Variants in CNTFR observed in about 807,000 individuals in gnomAD.
CNTFR encodes the protein ciliary neurotrophic factor receptor.
CNTFR carries 12 observed loss-of-function variants against 40.4 expected under a neutral mutation model. That is an observed-to-expected ratio of 0.30 (90% CI 0.19 to 0.48). The LOEUF (loss-of-function observed/expected upper bound fraction) is 0.48, where lower values mean the gene tolerates loss of function less well. CNTFR is among the 20% of genes least tolerant of loss of function. CNTFR has a pLI of 0.99. For missense variants in CNTFR, 414 were observed against 506.8 expected (o/e 0.82, Z 1.76); for synonymous variants, 202 against 209.6 (o/e 0.96, Z 0.31).
At chr9:34,578,142 C>T (rs1827085632) in intron 2 of CNTFR, among the ~76,000 whole-genome samples, 1 of 151,428 alleles carries the variant, frequency 6.6e-6, no homozygotes, top group Non-Finnish European at 1.5e-5. Context: ...AGAAGCAACC[C>T]CCACAGCGGT....
At position 34,557,814 on chromosome 9, in the gene CNTFR, G is replaced by A; in HGVS notation, c.437+53C>T. On this transcript the variant is annotated intron_variant, in intron 5 of 9. Coordinates refer to ENST00000378980, the MANE Select transcript of CNTFR (RefSeq NM_147164.3). The surrounding 1 kb of genome is among the most constrained non-coding windows in gnomAD (Gnocchi z 4.2). Reference sequence around the variant, plus strand: ...GGACAGAGGGCATGGTGGTGGGATGGGGGAGAGGTCAGAGGTCAGGGCTGG... The same window carrying A: ...GGACAGAGGGCATGGTGGTGGGATGAGGGAGAGGTCAGAGGTCAGGGCTGG... The A allele has an allele frequency of 6.5e-7, 1 of 1,542,632 alleles. No homozygotes were observed. Among genetic ancestry groups the A allele is most frequent in the Non-Finnish European group, 8.9e-7 (1 of 1,128,158 alleles).
chr9:34,585,932 C>T (rs776539371), intron 1 of CNTFR, among the ~76,000 whole-genome samples: 1 of 152,194 alleles, frequency 6.6e-6, no homozygotes, highest in Admixed American at 6.5e-5. Flanking sequence ...TTCAACTCGC[C>T]ATGGGGGGGC....
chr9:34,551,859 C>T lies in CNTFR; in HGVS notation c.*212G>A. 1.5e-6 allele frequency: 1 copy of T among 666,834 alleles called. No individual in the cohort carries two copies. The highest frequency in any genetic ancestry group is 1.7e-5 in the South Asian group (1 of 59,406). The allele number at this position is 666,834 out of a possible 1,614,324, so 41.3% of individuals were successfully genotyped here. On this transcript the variant is annotated 3_prime_UTR_variant, in exon 10 of 10. Coordinates refer to ENST00000378980, the MANE Select transcript of CNTFR (RefSeq NM_147164.3). ...TGGTGGGTGGGTTAGCTGCATGGCC[C>T]ACCTCCCCTGAGGGAGGAAGGAGGG...
At position 34,553,301 on chromosome 9, in the gene CNTFR, A is replaced by T. The variant is rs1394789229; in HGVS notation, c.769-447T>A. Among the ~76,000 whole-genome samples, 4 of 152,086 alleles carry T rather than the reference A, an allele frequency of 2.6e-5. No individual in the cohort carries two copies. In the East Asian group the frequency reaches 7.7e-4, roughly 29 times the overall value. On this transcript the variant is annotated intron_variant, in intron 7 of 9. Coordinates refer to ENST00000378980, the MANE Select transcript of CNTFR (RefSeq NM_147164.3). Reference sequence around the variant, plus strand: ...AGCCACAGAGAGGGGAGGTTGACACACTGACTGGAGCTAGGCTACCTGAGT... The same window carrying T: ...AGCCACAGAGAGGGGAGGTTGACACTCTGACTGGAGCTAGGCTACCTGAGT...
Position 34,564,765 on chromosome 9 carries a change from C to G in CNTFR, c.153G>C (p.Trp51Cys). 3 of 1,614,040 alleles carry G rather than the reference C, an allele frequency of 1.9e-6. No individual in the cohort carries two copies. Among genetic ancestry groups the G allele is most frequent in the Non-Finnish European group, 2.5e-6 (3 of 1,180,010 alleles). The change falls in exon 4 of 10, where the codon TGG (tryptophan) becomes TGC (cysteine). Residue 51 changes from tryptophan to cysteine, a missense_variant. Transcript: ENST00000378980. ...DVTLPCGTAN[W>C]DAAVTWRVNG... The stretch of plus-strand genomic sequence containing the variant: ...TTACCCGCCACGTCACCGCAGCATC[C>G]CAGTTTGCTGTCCCACATGGCAGTG...
In CNTFR at chr9:34,564,707, C is replaced by G; in HGVS notation, c.211G>C (p.Gly71Arg). Reference sequence around the variant, plus strand: ...AGGCCATGGAGCACCAGCTGAGAGCCGTTGAGCAGGTCAGGGGCCAGGTCT... The same window carrying G: ...AGGCCATGGAGCACCAGCTGAGAGCGGTTGAGCAGGTCAGGGGCCAGGTCT... ...GTDLAPDLLNGSQLVLHGLEL... is the reference protein window; with the variant it reads ...GTDLAPDLLNRSQLVLHGLEL... Residue 71 changes from glycine (G) to arginine (R), a missense_variant, in exon 4 of 10, where the codon GGC becomes CGC. This residue lies in a region of CNTFR where 250 missense variants were observed against 269.5 expected (regional missense o/e 0.93). Transcript: ENST00000378980. The G allele has an allele frequency of 1.2e-6, 2 of 1,614,036 alleles. No individual in the cohort carries two copies. Among genetic ancestry groups the G allele is most frequent in the Non-Finnish European group, 1.7e-6 (2 of 1,179,986 alleles).
At chr9:34,575,822 T>C (rs1826932477) in intron 2 of CNTFR, among the ~76,000 whole-genome samples, 1 of 152,182 alleles carries the variant, frequency 6.6e-6, no homozygotes, top group South Asian at 2.1e-4. Flanking sequence ...AAATGTCTTC[T>C]GTGTTCTGTT....
At chr9:34,556,643 C>A (rs989226723) in intron 6 of CNTFR, among the ~76,000 whole-genome samples, 2 of 152,198 alleles carry the variant, frequency 1.3e-5, no homozygotes, top group Non-Finnish European at 2.9e-5. Flanking sequence ...ACTACAGTCA[C>A]TGTCACCAAC....
At chr9:34,572,807 T>C (rs1826742307) in intron 2 of CNTFR, among the ~76,000 whole-genome samples, 1 of 152,176 alleles carries the variant, frequency 6.6e-6, no homozygotes, top group African/African-American at 2.4e-5. Context: ...GACAGTCACA[T>C]ACATTGACAC....
chr9:34,572,997 A>T (rs1210492074), intron 2 of CNTFR, among the ~76,000 whole-genome samples: 1 of 152,264 alleles, frequency 6.6e-6, no homozygotes, highest in Non-Finnish European at 1.5e-5. Flanking sequence ...AGTCCACAGC[A>T]ATACTGGCAG....
chr9:34,557,999 A>T lies in CNTFR; in HGVS notation c.320-15T>A. The T allele has an allele frequency of 6.6e-7, 1 of 1,517,590 alleles. No individual in the cohort carries two copies. Among genetic ancestry groups the T allele is most frequent in the Non-Finnish European group, 8.9e-7 (1 of 1,129,196 alleles). 94.0% of individuals were successfully genotyped at this position (1,517,590 alleles called of 1,614,324 possible). On this transcript the variant is annotated splice_polypyrimidine_tract_variant and intron_variant, in intron 4 of 9. Coordinates refer to ENST00000378980, the MANE Select transcript of CNTFR (RefSeq NM_147164.3). This position sits in a 1 kb window ranked among gnomAD's most constrained non-coding sequence, Gnocchi z 4.2. ...CCGCGGCGGCACTGGGGGTGAGGAC[A>T]GTATGGTCAGGGCATTCTTGGAGCT...
At chr9:34,553,673 C>T (rs1825723401) in intron 7 of CNTFR, among the ~76,000 whole-genome samples, 1 of 152,176 alleles carries the variant, frequency 6.6e-6, no homozygotes, top group South Asian at 2.1e-4. Flanking sequence ...TCCATTTCCT[C>T]CTGGAGGCAT....
chr9:34,575,406 G>A (rs781232702), intron 2 of CNTFR, among the ~76,000 whole-genome samples: 5 of 152,162 alleles, frequency 3.3e-5, no homozygotes, highest in Non-Finnish European at 5.9e-5. Context: ...CAGAGCAATA[G>A]GGTTGACTGA....
At position 34,557,441 on chromosome 9, in the gene CNTFR, G is replaced by T; in HGVS notation, c.604+85C>A. The T allele has an allele frequency of 1.4e-6, 2 of 1,448,768 alleles. No homozygotes were observed. Among genetic ancestry groups the T allele is most frequent in the Non-Finnish European group, 1.9e-6 (2 of 1,051,100 alleles). The allele number at this position is 1,448,768 out of a possible 1,614,324, so 89.7% of individuals were successfully genotyped here. On this transcript the variant is annotated intron_variant, in intron 6 of 9. Coordinates refer to ENST00000378980, the MANE Select transcript of CNTFR (RefSeq NM_147164.3). This position sits in a 1 kb window ranked among gnomAD's most constrained non-coding sequence, Gnocchi z 4.2. ...GTACATGCCATGTATACATGTGCATGCATGTGGACATCCCCACCAATGGCA... is the reference window on the plus strand; with the variant it reads ...GTACATGCCATGTATACATGTGCATTCATGTGGACATCCCCACCAATGGCA...
chr9:34,580,557 G>A (rs1827236106), intron 2 of CNTFR, among the ~76,000 whole-genome samples: 1 of 152,320 alleles, frequency 6.6e-6, no homozygotes, highest in Non-Finnish European at 1.5e-5. Context: ...GCGGGTTTTG[G>A]ACAATAGGCC....
rs1825907795 is a variant in CNTFR at position 34,557,744 on chromosome 9, G to C, written c.438-52C>G. The C allele has an allele frequency of 1.2e-6, 2 of 1,608,384 alleles. No individual in the cohort carries two copies. The highest frequency in any genetic ancestry group is 1.3e-5 in the African/African-American group (1 of 74,818). ...GTTACGAACATCAAGGGTCAGGTGG[G>C]GCAGAGGTTGAGGAAAGGTCAAGCC... is the stretch of plus-strand genomic sequence containing the variant. On this transcript the variant is annotated intron_variant, in intron 5 of 9. Coordinates refer to ENST00000378980, the MANE Select transcript of CNTFR (RefSeq NM_147164.3). The surrounding 1 kb of genome is among the most constrained non-coding windows in gnomAD (Gnocchi z 4.2).
At chr9:34,565,345 T>C (rs926246832) in intron 3 of CNTFR, among the ~76,000 whole-genome samples, 6 of 152,022 alleles carry the variant, frequency 3.9e-5, no homozygotes, top group Non-Finnish European at 5.9e-5. Context: ...ACCCCATCCT[T>C]GTCTCTTTCT....
intron 3 of CNTFR, 55 bp from the exon 4 acceptor site, chr9:34,564,887 C>T (rs372624136): frequency 9.2e-6 from 14 of 1,515,218 alleles, no homozygotes; most frequent in Admixed American, 3.4e-5. Context: ...CGGCCCAGCA[C>T]CCGCAGGCGA....
intron 4 of CNTFR, among the ~76,000 whole-genome samples, chr9:34,560,776 C>T (rs1826037634): frequency 6.6e-6 from 1 of 152,260 alleles, no homozygotes; most frequent in South Asian, 2.1e-4. Context: ...CAGCCTGTGG[C>T]AGGGTGTCCC....
Sources: allele counts gnomAD v4.1 joint callset (sites outside exome capture counted in the v4.1 genomes callset), GRCh38; gene constraint gnomAD v4.1.1; regional missense constraint gnomAD v4.1.1; non-coding constraint Gnocchi (gnomAD v3.1); transcripts MANE v1.5; gene names NCBI Gene and HGNC (gene_info 2026-07-23, HGNC 2026-07-21).